SP140: variants seen among roughly 807,000 people sequenced by gnomAD.
The protein encoded by SP140 is nuclear body protein SP140.
A neutral mutation model predicts 125.0 loss-of-function variants in SP140; 81 were observed. The observed-to-expected ratio is 0.65, with a 90% CI of 0.54 to 0.78. SP140 has a LOEUF of 0.78. SP140 is among the 30% of genes least tolerant of loss of function. The probability of loss-of-function intolerance (pLI) is 0.00; values close to 1 mark genes in which losing one functional copy is unlikely to be tolerated. For synonymous variants in SP140, 312 were observed against 354.0 expected (o/e 0.88, Z 1.33); for missense variants, 858 against 1,037.0 (o/e 0.83, Z 2.37).
chr2:230,196,666 A>G, the SP140 span, among the ~76,000 whole-genome samples: 1 of 151,860 alleles, frequency 6.6e-6, no homozygotes, highest in African/African-American at 2.4e-5. Flanking sequence ...AGCATTAGGT[A>G]TATCTCCTAA....
rs1304864916 is a variant in SP140, at chr2:230,253,459, G to A, written c.1159+42G>A. 4.8e-6 allele frequency: 7 copies of A among 1,468,834 alleles called. No homozygotes were observed. The Admixed American group carries it at 5.0e-5, about 11-fold the overall frequency. 91.0% of individuals were successfully genotyped at this position (1,468,834 alleles called of 1,614,324 possible). A position where few individuals can be genotyped will look rare whatever the true frequency, so the allele number is the denominator to read the frequency against. On this transcript the variant is annotated intron_variant, in intron 11 of 26. Coordinates refer to ENST00000392045, the MANE Select transcript of SP140 (RefSeq NM_007237.5). ...TTTTTAGGTATTTGAGTACATCTTT[G>A]TTTTCCAGTTGGCATGGGAAAAAAG...
intron 1 of SP140, among the ~76,000 whole-genome samples, chr2:230,203,880 AGTT>A (rs764022002): frequency 1.5e-4 from 23 of 152,154 alleles, no homozygotes; most frequent in Admixed American, 2.0e-4. Context: ...ACAGGGTTTT[AGTT>A]TTACAAGATA....
intron 3 of SP140, chr2:230,238,820 A>G: frequency 1.3e-6 from 2 of 1,555,476 alleles, no homozygotes; most frequent in Non-Finnish European, 1.7e-6. Context: ...AGACTGGAGA[A>G]GTCACGAAGA....
intron 1 of SP140, among the ~76,000 whole-genome samples, chr2:230,227,735 C>T (rs939207853): frequency 7.2e-5 from 11 of 152,166 alleles, no homozygotes; most frequent in African/African-American, 2.7e-4. Context: ...TCCTTTATTA[C>T]CTTTCCATTG....
intron 21 of SP140, 130 bp downstream of exon 21, chr2:230,294,448 A>G: frequency 3.0e-6 from 2 of 659,930 alleles, no homozygotes; most frequent in East Asian, 2.7e-5. Flanking sequence ...CTCACCTTAA[A>G]ATACTTTTTG....
At chr2:230,268,590 A>C (rs2053484439) in intron 12 of SP140, among the ~76,000 whole-genome samples, 1 of 152,182 alleles carries the variant, frequency 6.6e-6, no homozygotes, top group African/African-American at 2.4e-5. Flanking sequence ...TAAATAAGTA[A>C]ATAAGCACAT....
chr2:230,260,800 C>T (rs555729095), intron 12 of SP140, among the ~76,000 whole-genome samples: 25 of 151,722 alleles, frequency 1.6e-4, no homozygotes, highest in African/African-American at 4.8e-4. Context: ...CATTGGTCTA[C>T]GTCTATTTTT....
intron 4 of SP140, 72 bp from the exon 5 acceptor site, chr2:230,243,659 A>C (rs1277298280): frequency 6.5e-6 from 8 of 1,234,272 alleles, no homozygotes; most frequent in Non-Finnish European, 9.4e-6. Context: ...TTTTCTCATT[A>C]TTTGTTTTCT....
chr2:230,303,001 C>T (rs1165109891), intron 22 of SP140, among the ~76,000 whole-genome samples: 2 of 151,738 alleles, frequency 1.3e-5, no homozygotes, highest in Non-Finnish European at 2.9e-5. Flanking sequence ...CCTGAAGGAA[C>T]TAGAGAAAGA....
chr2:230,282,674 C>T lies in SP140; in HGVS notation c.1499-1672C>T, dbSNP rs74362487. On this transcript the variant is annotated intron_variant, in intron 15 of 26. Coordinates refer to ENST00000392045, the MANE Select transcript of SP140 (RefSeq NM_007237.5). Reference sequence around the variant, plus strand: ...CCACACACATTTCATAAACTGTAAACGATCTAGGTCCCTTATGAGCACCTC... The same window carrying T: ...CCACACACATTTCATAAACTGTAAATGATCTAGGTCCCTTATGAGCACCTC... Among the ~76,000 whole-genome samples the T allele has an allele frequency of 4.1e-4, 62 of 152,276 alleles. 1 individual carries two copies. In the East Asian group the frequency reaches 6.0e-3, roughly 15 times the overall value.
intron 1 of SP140, among the ~76,000 whole-genome samples, chr2:230,232,121 T>C (rs549544803): frequency 6.6e-6 from 1 of 152,338 alleles, no homozygotes; most frequent in African/African-American, 2.4e-5. Flanking sequence ...GCCCTTGTCA[T>C]GGAGAATGCT....
chr2:230,232,653 G>A (rs537037657), intron 1 of SP140, among the ~76,000 whole-genome samples: 77 of 152,250 alleles, frequency 5.1e-4, no homozygotes, highest in Middle Eastern at 3.4e-3. Context: ...CATGTAACCT[G>A]TTCAATTTCT....
chr2:230,186,212 G>T, the SP140 span: 1 of 1,470,326 alleles, frequency 6.8e-7, no homozygotes, highest in Non-Finnish European at 9.5e-7. Context: ...TACCCTTTCA[G>T]GAGTTATCTT....
chr2:230,203,946 T>C (rs1258629039), intron 1 of SP140, among the ~76,000 whole-genome samples: 1 of 152,192 alleles, frequency 6.6e-6, no homozygotes, highest in Admixed American at 6.5e-5. Context: ...TGTGAATGTA[T>C]TTTAATACCA....
At chr2:230,212,383 C>G in intron 1 of SP140, 1 of 1,613,676 alleles carries the variant, frequency 6.2e-7, no homozygotes, top group Non-Finnish European at 8.5e-7. Flanking sequence ...GGCATCTCTT[C>G]TGAGTCTTCT....
chr2:230,284,140 C>T (rs906153201), intron 15 of SP140, among the ~76,000 whole-genome samples: 2 of 152,190 alleles, frequency 1.3e-5, no homozygotes, highest in African/African-American at 4.8e-5. Flanking sequence ...CCTGTAGTCT[C>T]TCCCAAGCCC....
At chr2:230,199,936 C>T (rs1216313590), upstream of SP140, among the ~76,000 whole-genome samples, 1 of 152,092 alleles carries the variant, frequency 6.6e-6, no homozygotes, top group African/African-American at 2.4e-5. Flanking sequence ...GGCAGCCAGC[C>T]CTTACCCAGG....
At position 230,312,991 on chromosome 2, in the gene SP140, C is replaced by T. The variant is rs1280078901; in HGVS notation, c.*307C>T. ...GGGCTGCTCCAGACAACATTTATTACCCAGAAGACCTTTTGTCTGAAAACC... is the reference window on the plus strand; with the variant it reads ...GGGCTGCTCCAGACAACATTTATTATCCAGAAGACCTTTTGTCTGAAAACC... On this transcript the variant is annotated 3_prime_UTR_variant, in exon 27 of 27. Transcript: ENST00000392045. 7.2e-6 allele frequency: 2 copies of T among 278,986 alleles called. No homozygotes were observed. The highest frequency in any genetic ancestry group is 1.4e-5 in the Non-Finnish European group (2 of 146,644). 17.3% of individuals were successfully genotyped at this position (278,986 alleles called of 1,614,324 possible).
At chr2:230,283,071 G>T (rs553319178) in intron 15 of SP140, among the ~76,000 whole-genome samples, 3 of 152,292 alleles carry the variant, frequency 2.0e-5, no homozygotes, top group African/African-American at 7.2e-5. Context: ...TATGTCTAGA[G>T]GGTTCTGTGT....
Sources: allele counts gnomAD v4.1 joint callset (sites outside exome capture counted in the v4.1 genomes callset), GRCh38; gene constraint gnomAD v4.1.1; transcripts MANE v1.5; gene names NCBI Gene and HGNC (gene_info 2026-07-23, HGNC 2026-07-21).